PEA15: variants seen among roughly 807,000 people sequenced by gnomAD.
The protein encoded by PEA15 is astrocytic phosphoprotein PEA-15.
For missense variants in PEA15, 77 were observed against 161.3 expected (o/e 0.48, Z 2.83); for synonymous variants, 60 against 61.8 (o/e 0.97, Z 0.13).
At chr1:160,209,454 C>T (rs567153610) in intron 1 of PEA15, among the ~76,000 whole-genome samples, 1 of 152,262 alleles carries the variant, frequency 6.6e-6, no homozygotes, top group Non-Finnish European at 1.5e-5. Context: ...TCTCTTCCCG[C>T]CTACCTCCTC....
At chr1:160,209,220 A>C (rs570512593) in intron 1 of PEA15, among the ~76,000 whole-genome samples, 2 of 152,254 alleles carry the variant, frequency 1.3e-5, no homozygotes, top group East Asian at 3.9e-4. Context: ...TTACCAGAAC[A>C]TCCAAACACA....
rs111598251 is a variant in PEA15, at chr1:160,209,510, GAC to G, written c.-2-2009_-2-2008del. ...AAAGCCCTAAATCTGAACTCCTCCC[GAC>G]ACACACACACACACACACACACAGA... On this transcript the variant is annotated intron_variant, in intron 1 of 3. Coordinates refer to ENST00000360472, the MANE Select transcript of PEA15 (RefSeq NM_003768.5). 4.5e-3 allele frequency among the ~76,000 whole-genome samples: 648 copies of G among 145,552 alleles called. 1 individual carries two copies. The highest frequency in any genetic ancestry group is 6.9e-3 in the Non-Finnish European group (452 of 65,654).
rs1392278739 is a variant in PEA15, at chr1:160,215,007, C to G, written c.*1521C>G. The G allele has an allele frequency of 6.5e-6, 1 of 152,914 alleles. No individual in the cohort carries two copies. Among genetic ancestry groups the G allele is most frequent in the Non-Finnish European group, 1.5e-5 (1 of 68,136 alleles). 9.5% of individuals were successfully genotyped at this position (152,914 alleles called of 1,614,324 possible). On this transcript the variant is annotated 3_prime_UTR_variant, in exon 4 of 4. Transcript: ENST00000360472. ...TAACACACACACCTCTAGGACTCCA[C>G]AGTTTTGCCTTAAAGGACCTTCCCA...
Position 160,213,314 on chromosome 1 carries a change from A to C in PEA15, c.328+49A>C. The C allele has an allele frequency of 6.2e-7, 1 of 1,613,702 alleles. No individual in the cohort carries two copies. The highest frequency in any genetic ancestry group is 8.5e-7 in the Non-Finnish European group (1 of 1,179,646). ...GCTGCACCTCTGCCTCGTCCCGTTG[A>C]CTATCCTTGGAGTACTTGAGTTTTG... On this transcript the variant is annotated intron_variant, in intron 3 of 3. Coordinates refer to ENST00000360472, the MANE Select transcript of PEA15 (RefSeq NM_003768.5). This position sits in a 1 kb window ranked among gnomAD's most constrained non-coding sequence, Gnocchi z 5.3.
rs1654686552 is a variant in PEA15 at position 160,208,179 on chromosome 1, G to A, written c.-3+2657G>A. The A allele has an allele frequency of 6.2e-6, 1 of 160,852 alleles. No individual in the cohort carries two copies. Among genetic ancestry groups the A allele is most frequent in the South Asian group, 2.0e-4 (1 of 5,126 alleles). 10.0% of individuals were successfully genotyped at this position (160,852 alleles called of 1,614,324 possible). A position where few individuals can be genotyped will look rare whatever the true frequency, so the allele number is the denominator to read the frequency against. ...CCAGGCTTCTCAAAGCACTCCCAGG[G>A]CCTGGCTCTTCTTACCCCAGTGCCC... On this transcript the variant is annotated intron_variant, in intron 1 of 3. Coordinates refer to ENST00000360472, the MANE Select transcript of PEA15 (RefSeq NM_003768.5). This position sits in a 1 kb window ranked among gnomAD's most constrained non-coding sequence, Gnocchi z 4.1.
In PEA15 at chr1:160,208,802, C is replaced by T. The variant is rs145462078; in HGVS notation, c.-2-2741C>T. 21 of 699,832 alleles carry T rather than the reference C, an allele frequency of 3.0e-5. No individual in the cohort carries two copies. Among genetic ancestry groups the T allele is most frequent in the Middle Eastern group, 3.8e-4 (1 of 2,604 alleles). 43.4% of individuals were successfully genotyped at this position (699,832 alleles called of 1,614,324 possible). On this transcript the variant is annotated intron_variant, in intron 1 of 3. Coordinates refer to ENST00000360472, the MANE Select transcript of PEA15 (RefSeq NM_003768.5). The surrounding 1 kb of genome is among the most constrained non-coding windows in gnomAD (Gnocchi z 4.1). ...ACTGGGCTGCCTTTCCTTGTACCGT[C>T]AGGGGGCCTTATTCCTATCCTTTCT...
At chr1:160,210,712 C>T (rs559325102) in intron 1 of PEA15, among the ~76,000 whole-genome samples, 75 of 152,360 alleles carry the variant, frequency 4.9e-4, no homozygotes, top group African/African-American at 1.7e-3. Context: ...CCCCTCCCCC[C>T]ACCACCCAGC....
Position 160,211,686 on chromosome 1 carries a change from T to C in PEA15, c.142T>C (p.Phe48Leu). ...EITTGSAWFS[F>L]LESHNKLDKD... ...CACTACTGGCAGTGCCTGGTTTAGC[T>C]TCCTGGAGAGCCACAACAAGCTGGA... Residue 48 changes from phenylalanine (F) to leucine (L), a missense_variant, in exon 2 of 4, where the codon TTC (phenylalanine) becomes CTC (leucine). Transcript: ENST00000360472. 1 of 1,613,912 alleles carries C rather than the reference T, an allele frequency of 6.2e-7. No homozygotes were observed. Among genetic ancestry groups the C allele is most frequent in the Non-Finnish European group, 8.5e-7 (1 of 1,179,888 alleles).
At position 160,215,187 on chromosome 1, in the gene PEA15, GAAGA is replaced by G. The variant is rs1441925479; in HGVS notation, c.*1702_*1705del. The G allele has an allele frequency of 6.6e-6, 1 of 152,478 alleles. No homozygotes were observed. The highest frequency in any genetic ancestry group is 1.5e-5 in the Non-Finnish European group (1 of 68,036). The allele number at this position is 152,478 out of a possible 1,614,324, so 9.4% of individuals were successfully genotyped here. On this transcript the variant is annotated 3_prime_UTR_variant, in exon 4 of 4. Coordinates refer to ENST00000360472, the MANE Select transcript of PEA15 (RefSeq NM_003768.5). The stretch of plus-strand genomic sequence containing the variant: ...AGCCTTTCTTATGGAAGAAATGGGA[GAAGA>G]GAGACAGGGTTCTTTTCAGCAGAGT...
At chr1:160,210,520 CT>C (rs1184983172) in intron 1 of PEA15, among the ~76,000 whole-genome samples, 2 of 152,204 alleles carry the variant, frequency 1.3e-5, no homozygotes, top group Non-Finnish European at 2.9e-5. Context: ...GAAGGAAGGC[CT>C]TGAATGTTCT....
chr1:160,210,924 TG>T (rs1398018562), intron 1 of PEA15, among the ~76,000 whole-genome samples: 1 of 152,158 alleles, frequency 6.6e-6, no homozygotes, highest in Non-Finnish European at 1.5e-5. Context: ...AAGGCTAGCA[TG>T]GTGGGGCCAA....
At chr1:160,213,000 C>T in intron 2 of PEA15, 110 bp from the exon 3 acceptor site, 1 of 1,078,476 alleles carries the variant, frequency 9.3e-7, no homozygotes, top group South Asian at 1.4e-5. Context: ...TTGTACCCTC[C>T]CATAACCAAT....
rs1003260191 is a variant in PEA15 at position 160,214,218 on chromosome 1, C to T, written c.*732C>T. On this transcript the variant is annotated 3_prime_UTR_variant, in exon 4 of 4. Coordinates refer to ENST00000360472, the MANE Select transcript of PEA15 (RefSeq NM_003768.5). Reference sequence around the variant, plus strand: ...GGCAGAGAGAGGGGAGCCCCCTCTTCCACTCAGTTGTTCCTACTCAGACTG... The same window carrying T: ...GGCAGAGAGAGGGGAGCCCCCTCTTTCACTCAGTTGTTCCTACTCAGACTG... The T allele has an allele frequency of 1.3e-5, 2 of 152,768 alleles. No individual in the cohort carries two copies. The highest frequency in any genetic ancestry group is 2.4e-5 in the African/African-American group (1 of 41,410). The allele number at this position is 152,768 out of a possible 1,614,324, so 9.5% of individuals were successfully genotyped here.
chr1:160,212,499 C>T (rs183746312), intron 2 of PEA15, among the ~76,000 whole-genome samples: 2 of 151,794 alleles, frequency 1.3e-5, no homozygotes, highest in Admixed American at 6.6e-5. Context: ...GCAGGGAGAA[C>T]GTATAAAGGA....
At chr1:160,211,188 T>C (rs1654862352) in intron 1 of PEA15, 1 of 621,046 alleles carries the variant, frequency 1.6e-6, no homozygotes, top group Non-Finnish European at 2.0e-6. Flanking sequence ...GAGGGGGGAC[T>C]TGGAGAGAGC....
In PEA15 at chr1:160,213,293, C is replaced by T. The variant is rs779080629; in HGVS notation, c.328+28C>T. 15 of 1,614,046 alleles carry T rather than the reference C, an allele frequency of 9.3e-6. No individual in the cohort carries two copies. In the South Asian group the frequency reaches 1.3e-4, roughly 14 times the overall value. On this transcript the variant is annotated intron_variant, in intron 3 of 3. Transcript: ENST00000360472. The surrounding 1 kb of genome is among the most constrained non-coding windows in gnomAD (Gnocchi z 5.3). ...AAGCGGCCACTCCTTTAACTAGCTG[C>T]ACCTCTGCCTCGTCCCGTTGACTAT...
rs906451139 is a variant in PEA15, at chr1:160,205,611, G to T, written c.-3+89G>T. On this transcript the variant is annotated intron_variant, in intron 1 of 3. Coordinates refer to ENST00000360472, the MANE Select transcript of PEA15 (RefSeq NM_003768.5). The surrounding 1 kb of genome is among the most constrained non-coding windows in gnomAD (Gnocchi z 5.9). ...GGGGCAACGATCTGGGACACCGGGG[G>T]CCAGACGGGGAGTGTGGGGACCCCG... 2.0e-5 allele frequency: 3 copies of T among 152,914 alleles called. No individual in the cohort carries two copies. Among genetic ancestry groups the T allele is most frequent in the East Asian group, 1.9e-4 (1 of 5,210 alleles). The allele number at this position is 152,914 out of a possible 1,614,324, so 9.5% of individuals were successfully genotyped here.
intron 1 of PEA15, among the ~76,000 whole-genome samples, chr1:160,209,209 A>G (rs1289260405): frequency 6.6e-6 from 1 of 152,036 alleles, no homozygotes; most frequent in African/African-American, 2.4e-5. Flanking sequence ...ATACACCTCC[A>G]TTACCAGAAC....
At position 160,213,664 on chromosome 1, in the gene PEA15, T is replaced by G; in HGVS notation, c.*178T>G. 1 of 392,714 alleles carries G rather than the reference T, an allele frequency of 2.5e-6. No individual in the cohort carries two copies. The highest frequency in any genetic ancestry group is 5.6e-5 in the East Asian group (1 of 18,006). The allele number at this position is 392,714 out of a possible 1,614,324, so 24.3% of individuals were successfully genotyped here. On this transcript the variant is annotated 3_prime_UTR_variant, in exon 4 of 4. Transcript: ENST00000360472. The surrounding 1 kb of genome is among the most constrained non-coding windows in gnomAD (Gnocchi z 5.3). ...CGCTCTGGCTGTTTGTCTATATGTC[T>G]AGCTCATCTAGTTCCTCTTCTTAAG...
Sources: gnomAD v4.1 joint callset for allele counts (sites outside exome capture counted in the v4.1 genomes callset) on GRCh38, gnomAD v4.1.1 for gene constraint, Gnocchi (gnomAD v3.1) non-coding constraint, MANE v1.5 for transcripts, NCBI Gene and HGNC (gene_info 2026-07-23, HGNC 2026-07-21) for gene names.